The following LRRC43 variants were observed in gnomAD, a reference collection of about 807,000 sequenced individuals.
LRRC43 encodes the protein leucine-rich repeat-containing protein 43.
LRRC43 carries 62 observed loss-of-function variants against 64.3 expected under a neutral mutation model. That is an observed-to-expected ratio of 0.96 (90% CI 0.79 to 1.19). The LOEUF is 1.19. LRRC43 is among the 50% of genes most tolerant of loss of function. The probability of loss-of-function intolerance (pLI) is 0.00; values close to 1 mark genes in which losing one functional copy is unlikely to be tolerated. For synonymous variants in LRRC43, 422 were observed against 382.3 expected, an observed-to-expected ratio of 1.10 and a Z score of -1.21; for missense variants, 868 against 845.0, an observed-to-expected ratio of 1.03 and a Z score of -0.34.
chr12:122,183,126 G>C lies in LRRC43; in HGVS notation c.-19G>C. The C allele has an allele frequency of 6.5e-7, 1 of 1,532,104 alleles. No homozygotes were observed. The highest frequency in any genetic ancestry group is 8.7e-7 in the Non-Finnish European group (1 of 1,145,100). 94.9% of individuals were successfully genotyped at this position (1,532,104 alleles called of 1,614,324 possible). Reference sequence around the variant, plus strand: ...CCGCGCACGCGTCCTAGCGGTTGCCGGGCAACGCGGCCCGGGCCATGGAGG... The same window carrying C: ...CCGCGCACGCGTCCTAGCGGTTGCCCGGCAACGCGGCCCGGGCCATGGAGG... On this transcript the variant is annotated 5_prime_UTR_variant, in exon 1 of 12. Transcript: ENST00000339777.
upstream of LRRC43, chr12:122,182,893 TG>T: frequency 1.9e-6 from 1 of 528,016 alleles, no homozygotes; most frequent in Non-Finnish European, 3.3e-6. Flanking sequence ...TGACTTTCCG[TG>T]GGGAGTGCTT....
chr12:122,195,616 C>T (rs1414995707), intron 7 of LRRC43, among the ~76,000 whole-genome samples: 1 of 152,094 alleles, frequency 6.6e-6, no homozygotes, highest in East Asian at 1.9e-4. Context: ...AGCTGTTCAT[C>T]TTATTGGGAT....
intron 7 of LRRC43, among the ~76,000 whole-genome samples, chr12:122,196,494 A>C (rs1953773981): frequency 2.6e-5 from 4 of 152,246 alleles, no homozygotes. Context: ...AGGGCTGGGC[A>C]CAGTGGCTCA....
chr12:122,195,629 C>G (rs964428310), intron 7 of LRRC43, among the ~76,000 whole-genome samples: 1 of 152,092 alleles, frequency 6.6e-6, no homozygotes, highest in African/African-American at 2.4e-5. Context: ...ATTGGGATTC[C>G]TTTGTCTGTC....
At chr12:122,201,093 G>A (rs1345651368) in intron 10 of LRRC43, among the ~76,000 whole-genome samples, 159 bp downstream of exon 10, 2 of 152,178 alleles carry the variant, frequency 1.3e-5, no homozygotes, top group Non-Finnish European at 2.9e-5. Context: ...TGGTGCTGCC[G>A]CCTGCACAGA....
At chr12:122,171,675 C>T (rs565430412) in intron 1 of LRRC43, among the ~76,000 whole-genome samples, 21 of 151,978 alleles carry the variant, frequency 1.4e-4, no homozygotes, top group Non-Finnish European at 2.6e-4. Context: ...TGGCCATCAC[C>T]ATCGCCATTT....
chr12:122,198,425 C>T (rs1023934182), intron 7 of LRRC43, among the ~76,000 whole-genome samples: 8 of 152,046 alleles, frequency 5.3e-5, no homozygotes, highest in African/African-American at 1.7e-4. Context: ...ACCCATTAGG[C>T]GTCACCTTCG....
At position 122,183,229 on chromosome 12, in the gene LRRC43, G is replaced by T; in HGVS notation, c.85G>T (p.Ala29Ser). The change falls in exon 1 of 12, where the codon GCG becomes TCG. Residue 29 changes from alanine (A) to serine (S), a missense_variant. Coordinates refer to ENST00000339777, the MANE Select transcript of LRRC43 (RefSeq NM_001098519.2). ...GCGGCCCGGGACCGGGACCGTGAGC[G>T]CGGCCGTGCGCGAGCACTTGCGGAA... Reference protein sequence around the residue: ...TQRPGTGTVSAAVREHLRKLC... With the variant: ...TQRPGTGTVSSAVREHLRKLC... 1 of 1,567,324 alleles carries T rather than the reference G, an allele frequency of 6.4e-7. No individual in the cohort carries two copies. The highest frequency in any genetic ancestry group is 2.4e-5 in the East Asian group (1 of 41,098).
Position 122,171,622 on chromosome 12 carries a change from A to G in LRRC43, c.-406+3840A>G, listed in dbSNP as rs185779004. Among the ~76,000 whole-genome samples, 48 of 152,204 alleles carry G rather than the reference A, an allele frequency of 3.2e-4. 2 individuals carry two copies. In the East Asian group the frequency reaches 9.1e-3, roughly 29 times the overall value. On this transcript the variant is annotated intron_variant, in intron 1 of 5. Transcript: ENST00000537729. ...GCAGTCCTCCAGCCTTAGCTTCCCAAAGTGCTGGGATATCTGATCTGTGTT... is the reference window on the plus strand; with the variant it reads ...GCAGTCCTCCAGCCTTAGCTTCCCAGAGTGCTGGGATATCTGATCTGTGTT...
chr12:122,172,150 G>A (rs1953490701), intron 1 of LRRC43: 3 of 354,284 alleles, frequency 8.5e-6, no homozygotes, highest in Non-Finnish European at 1.0e-5. Flanking sequence ...CCACCCTCAC[G>A]AGGGTATAAT....
chr12:122,201,050 A>G, intron 10 of LRRC43, 116 bp downstream of exon 10: 2 of 1,319,476 alleles, frequency 1.5e-6, no homozygotes, highest in Non-Finnish European at 2.1e-6. Context: ...GGTGGTGGGG[A>G]GGGCCTTTCC....
intron 11 of LRRC43, among the ~76,000 whole-genome samples, chr12:122,201,749 G>T (rs1953841560): frequency 6.6e-6 from 1 of 152,180 alleles, no homozygotes; most frequent in Admixed American, 6.5e-5. Context: ...CAACTGGGAG[G>T]GAGAGAAAGG....
rs767788046 is a variant in LRRC43, at chr12:122,192,869, AGGT to A, written c.1217_1219del (p.Val406del). 3.1e-6 allele frequency: 5 copies of A among 1,614,002 alleles called. No homozygotes were observed. Among genetic ancestry groups the A allele is most frequent in the Middle Eastern group, 1.6e-4 (1 of 6,062 alleles). Reference sequence around the variant, plus strand: ...GAGGTCGAAGGGTCTCTGGAGTCTGAGGTGGAGGAGTCAGGAGAGTCGGAGCTG... The same window carrying A: ...GAGGTCGAAGGGTCTCTGGAGTCTGAGGAGGAGTCAGGAGAGTCGGAGCTG... On this transcript the variant is annotated inframe_deletion, in exon 7 of 12. Coordinates refer to ENST00000339777, the MANE Select transcript of LRRC43 (RefSeq NM_001098519.2).
intron 4 of LRRC43, among the ~76,000 whole-genome samples, chr12:122,189,704 T>C (rs944137006): frequency 6.6e-6 from 1 of 152,004 alleles, no homozygotes; most frequent in Non-Finnish European, 1.5e-5. Context: ...CTCCCCAGCA[T>C]CAACCCCACT....
intron 1 of LRRC43, among the ~76,000 whole-genome samples, chr12:122,171,050 C>G (rs559553465): frequency 6.6e-6 from 1 of 152,206 alleles, no homozygotes; most frequent in South Asian, 2.1e-4. Context: ...CAGTTGTGGA[C>G]TTAACATTGA....
At chr12:122,189,294 G>T (rs572383046) in intron 4 of LRRC43, 14 of 382,874 alleles carry the variant, frequency 3.7e-5, no homozygotes, top group Non-Finnish European at 7.3e-5. Flanking sequence ...GAACCTGGAG[G>T]GCATGCCCTT....
chr12:122,186,268 G>A lies in LRRC43; in HGVS notation c.490G>A (p.Val164Met). The A allele has an allele frequency of 6.2e-7, 1 of 1,604,896 alleles. No individual in the cohort carries two copies. The change falls in exon 3 of 12, where the codon GTG becomes ATG. Residue 164 changes from valine to methionine, a missense_variant. Transcript: ENST00000339777. ...ACTGAGCGCCAATCGAATCAAGGAG[G>A]TGGATGCCACCAATCTGCCCCCCAC... ...LVLSANRIKE[V>M]DATNLPPTLK... is the part of the protein sequence containing the mutation.
At chr12:122,174,021 T>C in intron 1 of LRRC43, 3 of 1,613,588 alleles carry the variant, frequency 1.9e-6, no homozygotes, top group Non-Finnish European at 2.5e-6. Context: ...CGTGAGCGCA[T>C]ACATCACACA....
chr12:122,194,968 A>G (rs1174491560), intron 7 of LRRC43, among the ~76,000 whole-genome samples: 1 of 152,234 alleles, frequency 6.6e-6, no homozygotes, highest in African/African-American at 2.4e-5. Flanking sequence ...GTATTTGCCT[A>G]CATGATTACC....
Sources: allele counts gnomAD v4.1 joint callset (sites outside exome capture counted in the v4.1 genomes callset), GRCh38; gene constraint gnomAD v4.1.1; transcripts MANE v1.5; gene names NCBI Gene and HGNC (gene_info 2026-07-23, HGNC 2026-07-21).